C4orf51: variants seen among roughly 807,000 people sequenced by gnomAD.
The protein encoded by C4orf51 is chromosome 4 open reading frame 51, also known as uncharacterized protein C4orf51.
C4orf51 carries 25 observed loss-of-function variants against 25.2 expected under a neutral mutation model. The ratio of observed to expected loss-of-function variants is 0.99; its 90% CI spans 0.72 to 1.39. The LOEUF is 1.39. Among genes scored for constraint, C4orf51 ranks in the 40% most tolerant of loss-of-function variants. The pLI, the probability that C4orf51 is intolerant of heterozygous loss-of-function variation, is 0.00. For missense variants in C4orf51, 252 were observed against 239.6 expected (o/e 1.05, Z -0.34); for synonymous variants, 100 against 84.5 (o/e 1.18, Z -1.01).
chr4:145,720,034 C>G (rs1042934903), intron 2 of C4orf51, among the ~76,000 whole-genome samples: 1 of 152,124 alleles, frequency 6.6e-6, no homozygotes, highest in Non-Finnish European at 1.5e-5. Flanking sequence ...GGTGTGCCCC[C>G]TTGTTCTGTG....
chr4:145,703,661 A>T (rs1057188203), intron 2 of C4orf51, among the ~76,000 whole-genome samples: 12 of 152,170 alleles, frequency 7.9e-5, no homozygotes, highest in Non-Finnish European at 1.8e-4. Flanking sequence ...TTGATGTTAT[A>T]TCTAAAATTC....
At chr4:145,775,816 T>C, downstream of C4orf51, 1 of 1,614,210 alleles carries the variant, frequency 6.2e-7, no homozygotes, top group South Asian at 1.1e-5. Flanking sequence ...TTTCTTCCCA[T>C]CACTGCCTTC....
At chr4:145,724,910 AAAG>A (rs1206805180) in intron 2 of C4orf51, among the ~76,000 whole-genome samples, 2 of 150,898 alleles carry the variant, frequency 1.3e-5, no homozygotes, top group African/African-American at 2.4e-5. Context: ...AAAAGAAAGA[AAAG>A]AAGAAAAGAG....
chr4:145,702,242 C>A (rs899403157), intron 2 of C4orf51, among the ~76,000 whole-genome samples: 2 of 151,938 alleles, frequency 1.3e-5, no homozygotes, highest in African/African-American at 4.8e-5. Context: ...GCCTTATCAA[C>A]CAAATTGTTT....
In C4orf51 at chr4:145,761,290, A is replaced by G. The variant is rs1734456770; in HGVS notation, n.167-9698A>G. On this transcript the variant is annotated intron_variant and non_coding_transcript_variant, in intron 1 of 1. Coordinates refer to the C4orf51 transcript ENST00000510096. The surrounding 1 kb of genome is among the most constrained non-coding windows in gnomAD (Gnocchi z 6.8). ...GAAGGTCTGGCGTGGGGCGTGCTTCAGCTTCTTGTGCAGGTTGAGATTGTC... is the reference window on the plus strand; with the variant it reads ...GAAGGTCTGGCGTGGGGCGTGCTTCGGCTTCTTGTGCAGGTTGAGATTGTC... The G allele has an allele frequency of 2.3e-6, 3 of 1,289,940 alleles. No individual in the cohort carries two copies. The highest frequency in any genetic ancestry group is 3.0e-6 in the Non-Finnish European group (3 of 988,886). 79.9% of individuals were successfully genotyped at this position (1,289,940 alleles called of 1,614,324 possible).
chr4:145,768,686 A>T (rs950466037), intron 1 of C4orf51, among the ~76,000 whole-genome samples: 8 of 149,320 alleles, frequency 5.4e-5, no homozygotes, highest in Non-Finnish European at 1.0e-4. Context: ...TTAGAACCTA[A>T]CTTCCTTTAT....
chr4:145,747,112 T>C lies in C4orf51; in HGVS notation n.168-7095T>C, dbSNP rs532819804. Reference sequence around the variant, plus strand: ...TAATAGTTTTTTGGTGGAGTCTAGGTTTTTTAAAATATAAGGTCCTATCAT... The same window carrying C: ...TAATAGTTTTTTGGTGGAGTCTAGGCTTTTTAAAATATAAGGTCCTATCAT... On this transcript the variant is annotated intron_variant and non_coding_transcript_variant, in intron 1 of 1. Coordinates refer to the C4orf51 transcript ENST00000508981. Among the ~76,000 whole-genome samples the C allele has an allele frequency of 4.6e-5, 7 of 152,178 alleles. No individual in the cohort carries two copies. The South Asian group carries it at 1.5e-3, about 32-fold the overall frequency.
chr4:145,700,107 C>T (rs562699541), intron 2 of C4orf51, among the ~76,000 whole-genome samples: 3 of 148,474 alleles, frequency 2.0e-5, no homozygotes, highest in Non-Finnish European at 3.0e-5. Context: ...CCCTTATTTC[C>T]GCACCCCAAC....
intron 3 of C4orf51, among the ~76,000 whole-genome samples, chr4:145,727,928 A>G (rs930128608): frequency 8.7e-5 from 8 of 92,064 alleles, no homozygotes; most frequent in African/African-American, 5.1e-4. Flanking sequence ...TATATAAAAT[A>G]TATTATATAT....
At chr4:145,767,399 G>A (rs1735469994) in intron 1 of C4orf51, among the ~76,000 whole-genome samples, 1 of 152,132 alleles carries the variant, frequency 6.6e-6, no homozygotes, top group African/African-American at 2.4e-5. Context: ...ATGCCTTTGG[G>A]AAGCTTAAAA....
downstream of C4orf51, among the ~76,000 whole-genome samples, chr4:145,773,272 T>C (rs1391407015): frequency 1.3e-5 from 2 of 152,222 alleles, no homozygotes; most frequent in East Asian, 3.8e-4. Context: ...CAACTGACTG[T>C]AAAAATGGCA....
At chr4:145,739,271 A>G (rs1253563733) in intron 1 of C4orf51, among the ~76,000 whole-genome samples, 1 of 152,232 alleles carries the variant, frequency 6.6e-6, no homozygotes, top group Non-Finnish European at 1.5e-5. Context: ...GTCAGAAAAG[A>G]CTGTGCAGTG....
chr4:145,733,496 T>G (rs1185961760), downstream of C4orf51, among the ~76,000 whole-genome samples: 1 of 152,238 alleles, frequency 6.6e-6, no homozygotes, highest in Non-Finnish European at 1.5e-5. Flanking sequence ...GTGTTTGGTT[T>G]ACTAAAGTAG....
intron 1 of C4orf51, chr4:145,759,592 T>C (rs1734237181): frequency 6.6e-6 from 1 of 152,218 alleles, no homozygotes; most frequent in Admixed American, 6.5e-5. Flanking sequence ...CACCTTTTTG[T>C]TGCGTCATTA....
At chr4:145,681,305 C>A (rs750797837) in intron 1 of C4orf51, among the ~76,000 whole-genome samples, 6 of 152,130 alleles carry the variant, frequency 3.9e-5, no homozygotes, top group Non-Finnish European at 5.9e-5. Context: ...AGAGCAATAA[C>A]CCACATAATA....
At chr4:145,685,794 G>C (rs973969037) in intron 1 of C4orf51, among the ~76,000 whole-genome samples, 12 of 151,934 alleles carry the variant, frequency 7.9e-5, no homozygotes, top group Non-Finnish European at 1.6e-4. Context: ...AATATGAGGG[G>C]TGGTCTCCTC....
chr4:145,743,913 C>T (rs1733227444), intron 1 of C4orf51, among the ~76,000 whole-genome samples: 1 of 152,210 alleles, frequency 6.6e-6, no homozygotes, highest in African/African-American at 2.4e-5. Flanking sequence ...AGCTTGCATG[C>T]TACATCCTCC....
downstream of C4orf51, chr4:145,757,803 C>G (rs1158729585): frequency 6.6e-6 from 1 of 151,806 alleles, no homozygotes; most frequent in Non-Finnish European, 1.5e-5. Context: ...GTAATGTACA[C>G]AAACCTTGAC....
intron 2 of C4orf51, among the ~76,000 whole-genome samples, chr4:145,705,308 A>G (rs1004771650): frequency 1.3e-5 from 2 of 152,202 alleles, no homozygotes; most frequent in African/African-American, 4.8e-5. Flanking sequence ...TTTCCCTGGC[A>G]TTGGCTGTGA....
Sources: allele counts gnomAD v4.1 joint callset (sites outside exome capture counted in the v4.1 genomes callset), GRCh38; gene constraint gnomAD v4.1.1; non-coding constraint Gnocchi (gnomAD v3.1); transcripts MANE v1.5; gene names NCBI Gene and HGNC (gene_info 2026-07-23, HGNC 2026-07-21).